The following FER variants were observed in gnomAD, a reference collection of about 807,000 sequenced individuals.
The protein encoded by FER is tyrosine-protein kinase Fer.
A neutral mutation model predicts 111.0 loss-of-function variants in FER; 63 were observed. The ratio of observed to expected loss-of-function variants is 0.57; its 90% confidence interval spans 0.46 to 0.70. The LOEUF (loss-of-function observed/expected upper bound fraction) is 0.70, where lower values mean the gene tolerates loss of function less well. FER is among the 30% of genes least tolerant of loss of function. FER has a pLI of 0.00. For synonymous variants in FER, 327 were observed against 313.9 expected (o/e 1.04, Z -0.44); for missense variants, 914 against 954.0 (o/e 0.96, Z 0.55).
intron 17 of FER, among the ~76,000 whole-genome samples, chr5:109,144,373 C>T (rs1186148691): frequency 6.6e-6 from 1 of 152,076 alleles, no homozygotes; most frequent in African/African-American, 2.4e-5. Flanking sequence ...CTTGGCCAGC[C>T]TTGGAGTTCT....
At chr5:108,843,030 A>T (rs542825029) in intron 5 of FER, 1 of 152,236 alleles carries the variant, frequency 6.6e-6, no homozygotes, top group Admixed American at 6.5e-5. Context: ...GGATAAAGAA[A>T]CTGTGGTGTA....
intron 11 of FER, among the ~76,000 whole-genome samples, chr5:108,951,511 G>C (rs78590701): frequency 1.2e-4 from 18 of 152,110 alleles, no homozygotes; most frequent in Non-Finnish European, 1.9e-4. Flanking sequence ...TGTCACCCTA[G>C]TGTATTACTA....
intron 10 of FER, among the ~76,000 whole-genome samples, chr5:108,925,983 AT>A (rs891708026): frequency 1.8e-4 from 28 of 151,872 alleles, no homozygotes; most frequent in African/African-American, 6.3e-4. Flanking sequence ...CATAACTTAA[AT>A]TTTTTTAACT....
At chr5:108,976,946 TG>T (rs1761431413) in intron 13 of FER, among the ~76,000 whole-genome samples, 1 of 152,188 alleles carries the variant, frequency 6.6e-6, no homozygotes, top group African/African-American at 2.4e-5. Flanking sequence ...GTGGGTCCCA[TG>T]GTGTTATTCA....
intron 17 of FER, among the ~76,000 whole-genome samples, chr5:109,128,315 T>C (rs1013335968): frequency 4.6e-5 from 7 of 152,134 alleles, no homozygotes; most frequent in African/African-American, 1.7e-4. Flanking sequence ...CTCACATTTG[T>C]AAGTGTAATA....
At position 109,158,424 on chromosome 5, in the gene FER, T is replaced by C. The variant is rs1038354603; in HGVS notation, c.2049-22323T>C. Among the ~76,000 whole-genome samples, 24 of 151,872 alleles carry C rather than the reference T, an allele frequency of 1.6e-4. 1 individual carries two copies. Among genetic ancestry groups the C allele is most frequent in the Admixed American group, 5.9e-4 (9 of 15,234 alleles). On this transcript the variant is annotated intron_variant, in intron 17 of 19. Coordinates refer to ENST00000281092, the MANE Select transcript of FER (RefSeq NM_005246.4). ...TCTCAAAAAATAATAAAAATAAAAA[T>C]TAGTCTATATTTTATATAAAGAAGC...
In FER at chr5:108,970,405, A is replaced by G. The variant is rs549105232; in HGVS notation, c.1656+11058A>G. ...TAATTTTTTTTTTGTATTTTTTAGT[A>G]GAGACGGGGTTTTGCCGTGTTAGCC... On this transcript the variant is annotated intron_variant, in intron 13 of 19. Coordinates refer to ENST00000281092, the MANE Select transcript of FER (RefSeq NM_005246.4). Among the ~76,000 whole-genome samples, 10 of 151,680 alleles carry G rather than the reference A, an allele frequency of 6.6e-5. No individual in the cohort carries two copies. In the East Asian group the frequency reaches 1.4e-3, roughly 21 times the overall value.
At chr5:109,181,479 AATG>A (rs1177984164) in intron 18 of FER, among the ~76,000 whole-genome samples, 1 of 152,188 alleles carries the variant, frequency 6.6e-6, no homozygotes, top group Non-Finnish European at 1.5e-5. Context: ...GTTGGGATGA[AATG>A]GGCCATTACA....
At chr5:108,807,298 A>G (rs534594567) in intron 3 of FER, among the ~76,000 whole-genome samples, 5 of 152,314 alleles carry the variant, frequency 3.3e-5, no homozygotes, top group African/African-American at 9.6e-5. Context: ...TGTCTCAGGT[A>G]TGTCTTTATC....
At chr5:109,053,986 C>T (rs565813184) in intron 16 of FER, among the ~76,000 whole-genome samples, 3 of 152,150 alleles carry the variant, frequency 2.0e-5, no homozygotes, top group South Asian at 4.2e-4. Context: ...CCACTGCGCC[C>T]GGCCTGGAGT....
intron 16 of FER, among the ~76,000 whole-genome samples, chr5:109,091,924 T>C (rs1177824884): frequency 1.3e-5 from 2 of 152,062 alleles, no homozygotes; most frequent in Non-Finnish European, 2.9e-5. Context: ...AGAAATACTA[T>C]TATGATGTAG....
At chr5:108,906,932 T>A (rs572036514) in intron 10 of FER, among the ~76,000 whole-genome samples, 1 of 152,290 alleles carries the variant, frequency 6.6e-6, no homozygotes, top group Non-Finnish European at 1.5e-5. Flanking sequence ...TCTCTCAGTA[T>A]TGTTCAAAGT....
At chr5:109,085,966 A>T (rs971195477) in intron 16 of FER, among the ~76,000 whole-genome samples, 2 of 151,808 alleles carry the variant, frequency 1.3e-5, no homozygotes, top group African/African-American at 4.8e-5. Context: ...GTGCTTATAA[A>T]ATTTGTCAAA....
intron 17 of FER, among the ~76,000 whole-genome samples, chr5:109,101,789 CTG>C (rs1221879423): frequency 6.6e-6 from 1 of 152,112 alleles, no homozygotes; most frequent in Non-Finnish European, 1.5e-5. Context: ...GTGGTCAACA[CTG>C]TGTTAAAATT....
chr5:109,098,265 A>G (rs531165911), intron 16 of FER, among the ~76,000 whole-genome samples: 87 of 152,000 alleles, frequency 5.7e-4, no homozygotes, highest in Non-Finnish European at 7.1e-4. Context: ...AATTTGTTGA[A>G]TAATAGTTTA....
chr5:109,185,506 G>C (rs1007112138), intron 18 of FER, among the ~76,000 whole-genome samples: 17 of 152,112 alleles, frequency 1.1e-4, no homozygotes, highest in African/African-American at 3.6e-4. Flanking sequence ...AAAATCGCAG[G>C]AATCCAACTT....
intron 17 of FER, among the ~76,000 whole-genome samples, chr5:109,168,305 A>G (rs1393210936): frequency 1.3e-5 from 2 of 152,086 alleles, no homozygotes; most frequent in African/African-American, 4.8e-5. Context: ...TTATATGCTA[A>G]TGAGTTGACT....
chr5:109,027,601 T>C (rs1160946944), intron 13 of FER, among the ~76,000 whole-genome samples: 1 of 152,126 alleles, frequency 6.6e-6, no homozygotes, highest in Non-Finnish European at 1.5e-5. Context: ...CATAAAGCCC[T>C]TTAAAGGGAT....
intron 1 of FER, among the ~76,000 whole-genome samples, chr5:108,757,274 T>G (rs1751221194): frequency 6.6e-6 from 1 of 152,220 alleles, no homozygotes; most frequent in African/African-American, 2.4e-5. Flanking sequence ...AAGATATTCA[T>G]GCTCCTGGCT....
Sources: allele counts gnomAD v4.1 joint callset (sites outside exome capture counted in the v4.1 genomes callset), GRCh38; gene constraint gnomAD v4.1.1; transcripts MANE v1.5; gene names NCBI Gene and HGNC (gene_info 2026-07-23, HGNC 2026-07-21).